The following SNX1 variants were observed in gnomAD, a reference collection of about 807,000 sequenced individuals.
The protein encoded by SNX1 is sorting nexin-1.
Under a neutral mutation model 71.8 loss-of-function variants are expected in SNX1, and 36 were observed. That is an observed-to-expected ratio of 0.50 (90% confidence interval 0.38 to 0.66). SNX1 has a LOEUF of 0.66. Among genes scored for constraint, SNX1 ranks in the 30% least tolerant of loss-of-function variants. The pLI is 0.00. For missense variants in SNX1, 612 were observed against 646.7 expected (o/e 0.95, Z 0.58); for synonymous variants, 254 against 240.7 (o/e 1.06, Z -0.51).
At chr15:64,100,616 AAAAAAAAAAAG>A (rs2080950155) in intron 1 of SNX1, among the ~76,000 whole-genome samples, 1 of 151,530 alleles carries the variant, frequency 6.6e-6, no homozygotes, top group Non-Finnish European at 1.5e-5. Flanking sequence ...AAAAAAAAAA[AAAAAAAAAAAG>A]AGACTCAAAA....
chr15:64,132,025 A>G, intron 11 of SNX1, 133 bp downstream of exon 11: 1 of 872,762 alleles, frequency 1.1e-6, no homozygotes. Flanking sequence ...TTAAGAGGAA[A>G]GGTATCCTGT....
chr15:64,112,615 A>T lies in SNX1; in HGVS notation c.202A>T (p.Ile68Phe), dbSNP rs1399995922. 1 of 1,613,534 alleles carries T rather than the reference A, an allele frequency of 6.2e-7. No individual in the cohort carries two copies. The highest frequency in any genetic ancestry group is 8.5e-7 in the Non-Finnish European group (1 of 1,179,604). ...AAAGATAACTACATCCCTTCTTCCC[A>T]TCAACAATGGCTCCAAAGAAAATGG... ...SPKITTSLLPINNGSKENGIH... is the reference protein window; with the variant it reads ...SPKITTSLLPFNNGSKENGIH... Residue 68 changes from isoleucine to phenylalanine, a missense_variant, in exon 2 of 15, where the codon ATC (isoleucine) becomes TTC (phenylalanine). By Grantham distance (21) the Ile-to-Phe change is conservative. Around this residue, in one of 2 missense-constraint regions of SNX1, gnomAD observed 316 missense variants for 284.9 expected, o/e 1.11. Transcript: ENST00000559844.
intron 1 of SNX1, among the ~76,000 whole-genome samples, chr15:64,107,560 T>C (rs1190694138): frequency 1.3e-5 from 2 of 152,180 alleles, no homozygotes; most frequent in Admixed American, 1.3e-4. Context: ...TGCTCTCTCT[T>C]TCTGGCACAC....
intron 1 of SNX1, among the ~76,000 whole-genome samples, chr15:64,106,506 C>A (rs1002153405): frequency 2.6e-5 from 4 of 152,172 alleles, no homozygotes; most frequent in African/African-American, 9.7e-5. Flanking sequence ...CCTTCCTTTT[C>A]CCAAAGAAGT....
At chr15:64,118,313 T>C in intron 3 of SNX1, 69 bp downstream of exon 3, 7 of 1,483,758 alleles carry the variant, frequency 4.7e-6, no homozygotes, top group Non-Finnish European at 5.5e-6. Context: ...GTCTGAAGTG[T>C]AGTTGAGTAT....
intron 1 of SNX1, among the ~76,000 whole-genome samples, chr15:64,107,112 G>A (rs2140135106): frequency 6.6e-6 from 1 of 152,206 alleles, no homozygotes; most frequent in Non-Finnish European, 1.5e-5. Context: ...ACTCCTAATT[G>A]TCCTTGTCCT....
intron 6 of SNX1, among the ~76,000 whole-genome samples, chr15:64,126,567 G>GT (rs935362760): frequency 3.2e-4 from 48 of 151,910 alleles, no homozygotes; most frequent in Middle Eastern, 3.4e-3. Flanking sequence ...TGTTTGGTTG[G>GT]TTTTTTGGTT....
At chr15:64,103,427 T>C (rs1284590567) in intron 1 of SNX1, among the ~76,000 whole-genome samples, 1 of 152,212 alleles carries the variant, frequency 6.6e-6, no homozygotes, top group Non-Finnish European at 1.5e-5. Context: ...ATTGCTATTA[T>C]ATATTCTTTT....
intron 1 of SNX1, among the ~76,000 whole-genome samples, chr15:64,106,876 G>A (rs186427197): frequency 1.7e-4 from 26 of 152,276 alleles, no homozygotes; most frequent in African/African-American, 6.0e-4. Context: ...AAACCCATTG[G>A]ACTTTTTCAG....
rs780367980 is a variant in SNX1 at position 64,130,037 on chromosome 15, G to A, written c.921+8G>A. The A allele has an allele frequency of 1.3e-6, 2 of 1,599,420 alleles. No homozygotes were observed. Among genetic ancestry groups the A allele is most frequent in the Middle Eastern group, 1.7e-4 (1 of 6,038 alleles). On this transcript the variant is annotated splice_region_variant and intron_variant, in intron 9 of 14. Coordinates refer to ENST00000559844, the MANE Select transcript of SNX1 (RefSeq NM_003099.5). ...ATGAATGAATCAGACATTGTGAGTA[G>A]CCCTGTGCCTCTTACCTCCACCTAC...
At chr15:64,127,069 T>C in intron 6 of SNX1, 105 bp from the exon 7 acceptor site, 1 of 814,408 alleles carries the variant, frequency 1.2e-6, no homozygotes, top group Non-Finnish European at 2.0e-6. Flanking sequence ...CCTTAGGCTG[T>C]GTGCTAGCCT....
At chr15:64,097,093 C>G (rs1165588150) in intron 1 of SNX1, among the ~76,000 whole-genome samples, 1 of 151,550 alleles carries the variant, frequency 6.6e-6, no homozygotes, top group African/African-American at 2.4e-5. Context: ...TTTTATGGTT[C>G]CTATGGGTTA....
In SNX1 at chr15:64,114,205, A is replaced by T. The variant is rs1204771627; in HGVS notation, c.271+1521A>T. 2.0e-5 allele frequency among the ~76,000 whole-genome samples: 3 copies of T among 152,218 alleles called. No homozygotes were observed. In the East Asian group the frequency reaches 5.8e-4, roughly 29 times the overall value. ...ATTAAATTAGTTGCAGTGGGCAGAG[A>T]CCAGATAATTTTTCGAAGGTAATCA... On this transcript the variant is annotated intron_variant, in intron 2 of 14. Coordinates refer to ENST00000559844, the MANE Select transcript of SNX1 (RefSeq NM_003099.5).
At chr15:64,114,744 G>A (rs546858018) in intron 2 of SNX1, among the ~76,000 whole-genome samples, 18 of 152,300 alleles carry the variant, frequency 1.2e-4, no homozygotes, top group African/African-American at 4.1e-4. Flanking sequence ...AAGGAAAGAA[G>A]AGATTAGAAG....
intron 4 of SNX1, among the ~76,000 whole-genome samples, 175 bp downstream of exon 4, chr15:64,119,029 A>G (rs1385680441): frequency 1.4e-5 from 2 of 145,476 alleles, no homozygotes; most frequent in Non-Finnish European, 2.9e-5. Flanking sequence ...GACTGCTGTT[A>G]CTCAATGCGT....
intron 2 of SNX1, among the ~76,000 whole-genome samples, chr15:64,116,148 TACAATA>T (rs1346433041): frequency 1.3e-5 from 2 of 152,214 alleles, no homozygotes; most frequent in African/African-American, 4.8e-5. Flanking sequence ...ACTGTATTCT[TACAATA>T]AAGTAAGCTA....
In SNX1 at chr15:64,118,105, A is replaced by G; in HGVS notation, c.272-12A>G. 2 of 1,610,098 alleles carry G rather than the reference A, an allele frequency of 1.2e-6. No homozygotes were observed. Among genetic ancestry groups the G allele is most frequent in the Non-Finnish European group, 1.7e-6 (2 of 1,178,828 alleles). On this transcript the variant is annotated splice_polypyrimidine_tract_variant and intron_variant, in intron 2 of 14. Coordinates refer to ENST00000559844, the MANE Select transcript of SNX1 (RefSeq NM_003099.5). ...TACTGACCTTCATTTTAAAATATCA[A>G]CTTCATTTTAGATGCCACAGTGGAG...
At chr15:64,127,335 A>C (rs2081264341) in intron 7 of SNX1, 83 bp downstream of exon 7, 4 of 1,048,776 alleles carry the variant, frequency 3.8e-6, no homozygotes, top group Admixed American at 2.3e-5. Context: ...GAGACAGTCC[A>C]TTGAGTTAGA....
intron 1 of SNX1, among the ~76,000 whole-genome samples, chr15:64,102,421 G>T (rs2080971536): frequency 1.3e-5 from 2 of 152,178 alleles, no homozygotes; most frequent in Admixed American, 1.3e-4. Context: ...AGCTCTTTTG[G>T]AACATACGAT....
Sources: gnomAD v4.1 joint callset for allele counts (sites outside exome capture counted in the v4.1 genomes callset) on GRCh38, gnomAD v4.1.1 for gene constraint, gnomAD v4.1.1 regional missense constraint, MANE v1.5 for transcripts, NCBI Gene and HGNC (gene_info 2026-07-23, HGNC 2026-07-21) for gene names.